The following STXBP5 variants were observed in gnomAD, a reference collection of about 807,000 sequenced individuals.
STXBP5 encodes the protein syntaxin binding protein 5.
A neutral mutation model predicts 152.4 loss-of-function variants in STXBP5; 50 were observed. The ratio of observed to expected loss-of-function variants is 0.33; its 90% confidence interval spans 0.26 to 0.42. The LOEUF is 0.42. STXBP5 is among the 10% of genes least tolerant of loss of function. STXBP5 has a pLI of 1.00. For missense variants in STXBP5, 1,167 were observed against 1,388.6 expected (o/e 0.84, Z 2.54); for synonymous variants, 492 against 494.7 (o/e 0.99, Z 0.07).
At chr6:147,314,371 GC>G (rs574320074) in intron 13 of STXBP5, 40 bp downstream of exon 13, 6 of 1,533,618 alleles carry the variant, frequency 3.9e-6, no homozygotes, top group Non-Finnish European at 5.4e-6. Context: ...ATCTATAATA[GC>G]TAAATATAAT....
chr6:147,349,288 TCTGTA>T (rs1784484195), intron 21 of STXBP5, among the ~76,000 whole-genome samples: 1 of 152,154 alleles, frequency 6.6e-6, no homozygotes, highest in Non-Finnish European at 1.5e-5. Context: ...GCAAAACTGA[TCTGTA>T]CTTAAAAAGC....
intron 16 of STXBP5, among the ~76,000 whole-genome samples, chr6:147,320,260 C>T (rs1782854571): frequency 6.6e-6 from 1 of 152,180 alleles, no homozygotes; most frequent in African/African-American, 2.4e-5. Context: ...TTTCCTGGTA[C>T]TGACTGACCT....
chr6:147,389,258 G>C lies in STXBP5; in HGVS notation c.*4503G>C, dbSNP rs951306009. ...TACTGCCTCCGAAGTTTTAAAAAAG[G>C]TTCTGTAGACAGAAAACAGTTGTTG... is the stretch of plus-strand genomic sequence containing the variant. On this transcript the variant is annotated 3_prime_UTR_variant, in exon 28 of 28. Transcript: ENST00000321680. 2.6e-5 allele frequency: 4 copies of C among 151,600 alleles called. No homozygotes were observed. Among genetic ancestry groups the C allele is most frequent in the African/African-American group, 7.3e-5 (3 of 41,358 alleles). 9.4% of individuals were successfully genotyped at this position (151,600 alleles called of 1,614,324 possible).
chr6:147,354,670 T>G (rs1231410133), intron 22 of STXBP5, among the ~76,000 whole-genome samples: 2 of 152,138 alleles, frequency 1.3e-5, no homozygotes, highest in Non-Finnish European at 2.9e-5. Context: ...CTTTTAAAAT[T>G]ATAAAAAATA....
intron 9 of STXBP5, among the ~76,000 whole-genome samples, chr6:147,307,623 T>TGAA (rs1450926181): frequency 6.6e-6 from 1 of 152,128 alleles, no homozygotes; most frequent in Non-Finnish European, 1.5e-5. Context: ...ATATAACCTG[T>TGAA]GAAGGCTCAC....
chr6:147,382,260 G>A (rs1367562004), intron 26 of STXBP5, among the ~76,000 whole-genome samples: 3 of 151,972 alleles, frequency 2.0e-5, no homozygotes, highest in Admixed American at 1.3e-4. Context: ...AAAGAATATA[G>A]CATGCCTACA....
chr6:147,228,489 C>G (rs138525971), intron 2 of STXBP5, among the ~76,000 whole-genome samples: 2 of 151,978 alleles, frequency 1.3e-5, no homozygotes, highest in Admixed American at 1.3e-4. Context: ...GTTTATCATT[C>G]TGTGTACTTC....
At chr6:147,270,656 A>G (rs925905091) in intron 7 of STXBP5, among the ~76,000 whole-genome samples, 1 of 152,166 alleles carries the variant, frequency 6.6e-6, no homozygotes, top group Non-Finnish European at 1.5e-5. Flanking sequence ...GACAAATGTT[A>G]TGAGATGGAA....
chr6:147,215,166 A>C (rs918051050), intron 2 of STXBP5, among the ~76,000 whole-genome samples: 1 of 152,270 alleles, frequency 6.6e-6, no homozygotes, highest in Non-Finnish European at 1.5e-5. Context: ...TTTATTTATA[A>C]AATCAAGCAG....
chr6:147,232,350 T>C (rs1168393865), intron 2 of STXBP5, among the ~76,000 whole-genome samples: 1 of 151,878 alleles, frequency 6.6e-6, no homozygotes, highest in East Asian at 1.9e-4. Flanking sequence ...GCCAGAATTC[T>C]GATAAACTAC....
At chr6:147,247,413 C>T (rs1778863607) in intron 4 of STXBP5, among the ~76,000 whole-genome samples, 1 of 152,104 alleles carries the variant, frequency 6.6e-6, no homozygotes, top group African/African-American at 2.4e-5. Flanking sequence ...TTCTGATCTA[C>T]AAAGACAACT....
At chr6:147,274,248 GCATT>G (rs539546376) in intron 7 of STXBP5, among the ~76,000 whole-genome samples, 2 of 152,010 alleles carry the variant, frequency 1.3e-5, no homozygotes, top group Non-Finnish European at 2.9e-5. Flanking sequence ...CTTGGATTAT[GCATT>G]CATTCATTCA....
chr6:147,280,722 C>A (rs937106769), intron 8 of STXBP5, among the ~76,000 whole-genome samples: 1 of 152,070 alleles, frequency 6.6e-6, no homozygotes, highest in Non-Finnish European at 1.5e-5. Context: ...TGGTATAAAT[C>A]AGTTTCTACA....
At chr6:147,312,373 T>G (rs1013680846) in intron 11 of STXBP5, among the ~76,000 whole-genome samples, 1 of 152,198 alleles carries the variant, frequency 6.6e-6, no homozygotes, top group Non-Finnish European at 1.5e-5. Flanking sequence ...TTATTTATCT[T>G]TGGAGAAAGA....
At chr6:147,345,358 A>T (rs1310607230) in intron 21 of STXBP5, among the ~76,000 whole-genome samples, 1 of 152,192 alleles carries the variant, frequency 6.6e-6, no homozygotes, top group East Asian at 1.9e-4. Context: ...CTACTAAAAT[A>T]CATACGATAC....
chr6:147,272,259 G>A (rs1478226747), intron 7 of STXBP5, among the ~76,000 whole-genome samples: 1 of 152,110 alleles, frequency 6.6e-6, no homozygotes, highest in East Asian at 1.9e-4. Context: ...CATGAGGCAA[G>A]CATTACCCTT....
chr6:147,264,709 C>G lies in STXBP5; in HGVS notation c.630+2356C>G, dbSNP rs535323839. ...ACATCTCTATGGGTTATAAAAGATT[C>G]TAGTAGGAATAAGCATTGAAGAATT... On this transcript the variant is annotated intron_variant, in intron 6 of 27. Coordinates refer to ENST00000321680, the MANE Select transcript of STXBP5 (RefSeq NM_001127715.4). 3.9e-5 allele frequency among the ~76,000 whole-genome samples: 6 copies of G among 152,122 alleles called. No individual in the cohort carries two copies. The East Asian group carries it at 9.6e-4, about 24-fold the overall frequency.
intron 2 of STXBP5, among the ~76,000 whole-genome samples, chr6:147,226,614 A>T (rs1010145982): frequency 1.1e-4 from 17 of 152,248 alleles, no homozygotes; most frequent in African/African-American, 4.1e-4. Context: ...AATGGCATGA[A>T]CATATAAGAA....
chr6:147,352,320 G>A (rs929699574), intron 21 of STXBP5, among the ~76,000 whole-genome samples: 4 of 152,124 alleles, frequency 2.6e-5, no homozygotes, highest in African/African-American at 9.7e-5. Flanking sequence ...TATAAGTTTG[G>A]CCTATAAGCT....
Sources: allele counts gnomAD v4.1 joint callset (sites outside exome capture counted in the v4.1 genomes callset), GRCh38; gene constraint gnomAD v4.1.1; transcripts MANE v1.5; gene names NCBI Gene and HGNC (gene_info 2026-07-23, HGNC 2026-07-21).